GASK1A: variants seen among roughly 807,000 people sequenced by gnomAD.
The protein encoded by GASK1A is Golgi-associated kinase 1A.
GASK1A carries 40 observed loss-of-function variants against 41.2 expected under a neutral mutation model. The ratio of observed to expected loss-of-function variants is 0.97; its 90% confidence interval spans 0.75 to 1.27. The LOEUF (loss-of-function observed/expected upper bound fraction) is 1.27. Ranked by LOEUF, GASK1A falls within the 50% of genes most tolerant of loss-of-function variation. The probability of loss-of-function intolerance (pLI) is 0.00; values close to 1 mark genes in which losing one functional copy is unlikely to be tolerated. For synonymous variants in GASK1A, 316 were observed against 307.1 expected, an observed-to-expected ratio of 1.03 and a Z score of -0.30; for missense variants, 678 against 745.1, an observed-to-expected ratio of 0.91 and a Z score of 1.05.
At chr3:43,011,065 T>C (rs952970449) in intron 1 of GASK1A, among the ~76,000 whole-genome samples, 2 of 152,180 alleles carry the variant, frequency 1.3e-5, no homozygotes, top group African/African-American at 4.8e-5. Flanking sequence ...TCTTCAAATG[T>C]GCCAAGAGGG....
Position 43,032,398 on chromosome 3 carries a change from TC to T in GASK1A, c.138del (p.Met47TrpfsTer6), listed in dbSNP as rs764329995. The T allele has an allele frequency of 4.5e-6, 7 of 1,551,588 alleles. No homozygotes were observed. The South Asian group carries it at 7.1e-5, about 16-fold the overall frequency. Reference sequence around the variant, plus strand: ...GTCCATCCGCCGGCCCAGACCCTGGTCCCATGGAGCCTCAGGGGGTAACTGG... The same window carrying T: ...GTCCATCCGCCGGCCCAGACCCTGGTCCATGGAGCCTCAGGGGGTAACTGG... The part of the protein sequence containing the change: ...QRPSAGPDPG[P>X]MEPQGVTGAP... On this transcript the variant is annotated frameshift_variant, in exon 2 of 5. Coordinates refer to ENST00000430121, the MANE Select transcript of GASK1A (RefSeq NM_001129908.3). LOFTEE classifies it high-confidence loss of function.
chr3:43,055,957 C>G, intron 4 of GASK1A: 1 of 552,340 alleles, frequency 1.8e-6, no homozygotes, highest in Non-Finnish European at 3.2e-6. Flanking sequence ...AGGATGGGAC[C>G]CATCTGAAAG....
chr3:43,055,452 T>A lies in GASK1A; in HGVS notation c.1434T>A (p.Ser478=). 1.9e-6 allele frequency: 3 copies of A among 1,551,688 alleles called. No homozygotes were observed. In the South Asian group the frequency reaches 3.6e-5, roughly 18 times the overall value. Reference sequence around the variant, plus strand: ...CTGAGGTCCGGAGCAGCGATCCATCTCACCTGGTCTACATCGATAACGCTG... The same window carrying A: ...CTGAGGTCCGGAGCAGCGATCCATCACACCTGGTCTACATCGATAACGCTG... ...VHILVRSSDP[S]HLVYIDNAGN... Residue 478 remains serine (S), a synonymous_variant, in exon 4 of 5, where the codon TCT becomes TCA. Transcript: ENST00000430121.
chr3:42,987,768 G>A (rs1413622161), intron 1 of GASK1A, among the ~76,000 whole-genome samples: 2 of 152,160 alleles, frequency 1.3e-5, no homozygotes, highest in East Asian at 3.9e-4. Context: ...GAAGGCTGAG[G>A]TGGACAGATC....
At chr3:43,039,204 G>GT (rs548862246) in intron 2 of GASK1A, among the ~76,000 whole-genome samples, 17,934 of 136,158 alleles carry the variant, frequency 0.13, 1,448 homozygotes, top group South Asian at 0.35. Flanking sequence ...TTTTTTTTTT[G>GT]GTTTTTTTTT....
intron 1 of GASK1A, among the ~76,000 whole-genome samples, chr3:43,028,845 G>T (rs2125685344): frequency 6.6e-6 from 1 of 152,230 alleles, no homozygotes; most frequent in East Asian, 1.9e-4. Flanking sequence ...TGACTCACCT[G>T]ATTTCCCCAC....
Position 43,020,486 on chromosome 3 carries a change from TA to T in GASK1A, c.4-11780del, listed in dbSNP as rs377102382. ...ATTTGTAGAGACAGCACTACACTCT[TA>T]TTAACTGAGGGAGGGGTGCTAGGCT... On this transcript the variant is annotated intron_variant, in intron 1 of 4. Transcript: ENST00000430121. Among the ~76,000 whole-genome samples the T allele has an allele frequency of 7.0e-4, 106 of 152,230 alleles. 5 individuals carry two copies. In the South Asian group the frequency reaches 0.021, roughly 31 times the overall value.
Position 43,053,590 on chromosome 3 carries a change from A to C in GASK1A, c.1360A>C (p.Arg454=). The C allele has an allele frequency of 6.4e-7, 1 of 1,551,634 alleles. No homozygotes were observed. Among genetic ancestry groups the C allele is most frequent in the Non-Finnish European group, 8.7e-7 (1 of 1,146,970 alleles). The change falls in exon 3 of 5, where the codon AGG becomes CGG. Residue 454 remains arginine (R), a synonymous_variant. Coordinates refer to ENST00000430121, the MANE Select transcript of GASK1A (RefSeq NM_001129908.3). ...GCCCTCAGACCCCTGTGTGGAAGAGAGGCTCCGAGAGAAATGCCAGAACCC... is the reference window on the plus strand; with the variant it reads ...GCCCTCAGACCCCTGTGTGGAAGAGCGGCTCCGAGAGAAATGCCAGAACCC... ...PEPSDPCVEE[R]LREKCQNPAE...
At chr3:43,008,102 TG>T (rs2089445652) in intron 1 of GASK1A, among the ~76,000 whole-genome samples, 1 of 152,220 alleles carries the variant, frequency 6.6e-6, no homozygotes, top group Non-Finnish European at 1.5e-5. Flanking sequence ...TAGCTAGACC[TG>T]GGTTTGAGTC....
At chr3:43,037,382 A>G in intron 2 of GASK1A, 1 of 967,126 alleles carries the variant, frequency 1.0e-6, no homozygotes, top group Non-Finnish European at 1.7e-6. Context: ...ATTGAAATGC[A>G]CTAAGTACAG....
At chr3:42,988,571 G>A (rs978517194) in intron 1 of GASK1A, among the ~76,000 whole-genome samples, 2 of 152,260 alleles carry the variant, frequency 1.3e-5, no homozygotes, top group Non-Finnish European at 2.9e-5. Context: ...AAGGCACAGA[G>A]ACAAACGAGA....
At chr3:42,981,584 C>G (rs577152841) in intron 1 of GASK1A, among the ~76,000 whole-genome samples, 2 of 152,052 alleles carry the variant, frequency 1.3e-5, no homozygotes, top group Non-Finnish European at 2.9e-5. Context: ...TCAGGCTGCC[C>G]CCATCCCCCA....
At chr3:43,001,393 A>AC in intron 1 of GASK1A, among the ~76,000 whole-genome samples, 1 of 152,308 alleles carries the variant, frequency 6.6e-6, no homozygotes, top group East Asian at 1.9e-4. Flanking sequence ...TCTAGCCTGC[A>AC]ATGGACTTGG....
rs1413343300 is a variant in GASK1A, at chr3:43,056,602, A to T, written c.*216A>T. ...CGGCTCTGGCTATTTATTCCCTTGC[A>T]CCAACAAATACATTCGAAAATGTTC... On this transcript the variant is annotated 3_prime_UTR_variant, in exon 5 of 5. Transcript: ENST00000430121. The T allele has an allele frequency of 2.0e-6, 1 of 494,800 alleles. No homozygotes were observed. The highest frequency in any genetic ancestry group is 1.9e-5 in the African/African-American group (1 of 52,606). The allele number at this position is 494,800 out of a possible 1,614,324, so 30.7% of individuals were successfully genotyped here.
chr3:43,044,988 TCAAA>T (rs1374462285), intron 2 of GASK1A, among the ~76,000 whole-genome samples: 1 of 152,040 alleles, frequency 6.6e-6, no homozygotes, highest in East Asian at 1.9e-4. Flanking sequence ...TTATTGGTGA[TCAAA>T]CAAAGAAGCA....
chr3:43,033,283 G>C lies in GASK1A; in HGVS notation c.1020G>C (p.Leu340=), dbSNP rs1039916452. Residue 340 remains leucine (L), a synonymous_variant, in exon 2 of 5, where the codon CTG becomes CTC. Coordinates refer to ENST00000430121, the MANE Select transcript of GASK1A (RefSeq NM_001129908.3). ...LSFHVDRVLG[L]RRSLPAVARR... ...TCCACGTAGATCGTGTGCTGGGGCT[G>C]CGCCGGAGCCTACCTGCTGTGGCCC... is the stretch of plus-strand genomic sequence containing the variant. The C allele has an allele frequency of 2.6e-6, 4 of 1,551,434 alleles. No homozygotes were observed. In the African/African-American group the frequency reaches 4.1e-5, roughly 16 times the overall value.
intron 2 of GASK1A, among the ~76,000 whole-genome samples, chr3:43,043,493 CA>C (rs1179355888): frequency 3.8e-4 from 58 of 152,312 alleles, no homozygotes; most frequent in Admixed American, 6.5e-5. Flanking sequence ...TTCTTGCATC[CA>C]AAAACCTTCA....
rs1477308354 is a variant in GASK1A, at chr3:42,979,652, C to G, written c.3+7C>G. 1 of 1,245,536 alleles carries G rather than the reference C, an allele frequency of 8.0e-7. No individual in the cohort carries two copies. Among genetic ancestry groups the G allele is most frequent in the Non-Finnish European group, 1.0e-6 (1 of 987,696 alleles). 77.2% of individuals were successfully genotyped at this position (1,245,536 alleles called of 1,614,324 possible). A position where few individuals can be genotyped will look rare whatever the true frequency, so the allele number is the denominator to read the frequency against. On this transcript the variant is annotated splice_region_variant and intron_variant, in intron 1 of 4. Transcript: ENST00000430121. ...GGGCACCGCCGGGGACATGGTAGGACTCGCGGGAAGGAACGCGCGAGCGGA... is the reference window on the plus strand; with the variant it reads ...GGGCACCGCCGGGGACATGGTAGGAGTCGCGGGAAGGAACGCGCGAGCGGA...
In GASK1A at chr3:43,033,587, G is replaced by A. The variant is rs72870823; in HGVS notation, c.1290+34G>A. On this transcript the variant is annotated intron_variant, in intron 2 of 4. Transcript: ENST00000430121. ...GGTTGGGCAGCAGGGGTAGAGAGCT[G>A]CGGAGGTAGGGGGTTCTGGGTGGAG... 2,487 of 1,481,870 alleles carry A rather than the reference G, an allele frequency of 1.7e-3. 27 individuals carry two copies. In the African/African-American group the frequency reaches 0.031, roughly 18 times the overall value. The allele number at this position is 1,481,870 out of a possible 1,614,324, so 91.8% of individuals were successfully genotyped here.
Sources: allele counts gnomAD v4.1 joint callset (sites outside exome capture counted in the v4.1 genomes callset), GRCh38; gene constraint gnomAD v4.1.1; transcripts MANE v1.5; gene names NCBI Gene and HGNC (gene_info 2026-07-23, HGNC 2026-07-21).